The following NAALADL2 variants were observed in gnomAD, a reference collection of about 807,000 sequenced individuals.
The protein encoded by NAALADL2 is inactive N-acetylated-alpha-linked acidic dipeptidase-like protein 2.
Under a neutral mutation model 87.2 loss-of-function variants are expected in NAALADL2, and 76 were observed. That is an observed-to-expected ratio of 0.87 (90% CI 0.72 to 1.05). The LOEUF is 1.05. NAALADL2 is among the 50% of genes least tolerant of loss of function. NAALADL2 has a pLI of 0.00. For missense variants in NAALADL2, 1,089 were observed against 945.8 expected, an observed-to-expected ratio of 1.15 and a Z score of -1.99; for synonymous variants, 354 against 331.0, an observed-to-expected ratio of 1.07 and a Z score of -0.75.
intron 1 of NAALADL2, among the ~76,000 whole-genome samples, chr3:175,055,167 T>G (rs7648778): frequency 0.081 from 12,258 of 152,206 alleles, 1,632 homozygotes; most frequent in African/African-American, 0.28. Flanking sequence ...AAGCTGCTTT[T>G]CCTTGTTTAT....
intron 11 of NAALADL2, among the ~76,000 whole-genome samples, chr3:175,682,089 C>T (rs1050384120): frequency 3.0e-4 from 45 of 151,960 alleles, no homozygotes; most frequent in African/African-American, 1.1e-3. Context: ...AATCATAATA[C>T]TACTGGATGA....
Position 175,327,115 on chromosome 3 carries a change from C to T in NAALADL2, c.1090+2790C>T, listed in dbSNP as rs570886661. On this transcript the variant is annotated intron_variant, in intron 5 of 13. Coordinates refer to ENST00000454872, the MANE Select transcript of NAALADL2 (RefSeq NM_207015.3). ...ACAGTCAAATAATGAACATTCCATA[C>T]GCCTCACCCAGCTTTATCAACTGTC... Among the ~76,000 whole-genome samples the T allele has an allele frequency of 8.6e-5, 13 of 150,790 alleles. 1 individual carries two copies. Among genetic ancestry groups the T allele is most frequent in the South Asian group, 2.1e-4 (1 of 4,796 alleles).
At chr3:174,698,293 G>T (rs1329579878) in intron 2 of NAALADL2, among the ~76,000 whole-genome samples, 2 of 139,250 alleles carry the variant, frequency 1.4e-5, no homozygotes, top group African/African-American at 6.0e-5. Flanking sequence ...ACATGTTGGT[G>T]GTAAACTCTC....
chr3:175,152,305 A>G (rs534411051), intron 2 of NAALADL2, among the ~76,000 whole-genome samples: 30 of 152,302 alleles, frequency 2.0e-4, no homozygotes, highest in East Asian at 5.8e-4. Flanking sequence ...CTAATAGGCC[A>G]TCCCATGGTA....
At chr3:175,555,753 G>A (rs1582383436) in intron 9 of NAALADL2, among the ~76,000 whole-genome samples, 1 of 152,012 alleles carries the variant, frequency 6.6e-6, no homozygotes, top group South Asian at 2.1e-4. Context: ...GCATATTGCC[G>A]ATGACCCTGA....
At chr3:175,530,569 C>T (rs578184100) in intron 9 of NAALADL2, among the ~76,000 whole-genome samples, 22 of 152,278 alleles carry the variant, frequency 1.4e-4, no homozygotes, top group African/African-American at 3.4e-4. Flanking sequence ...GCCTGCATAT[C>T]GTGCAGAACC....
intron 9 of NAALADL2, among the ~76,000 whole-genome samples, chr3:175,482,295 G>T (rs1726590249): frequency 6.6e-6 from 1 of 151,838 alleles, no homozygotes; most frequent in South Asian, 2.1e-4. Flanking sequence ...GGCTGCTGTT[G>T]ACTATTAAAT....
chr3:174,460,581 CCTT>C (rs1327921455), intron 1 of NAALADL2, among the ~76,000 whole-genome samples: 1 of 151,676 alleles, frequency 6.6e-6, no homozygotes, highest in Non-Finnish European at 1.5e-5. Flanking sequence ...GCATTTTTTT[CCTT>C]CTTTTTTCTT....
intron 5 of NAALADL2, among the ~76,000 whole-genome samples, chr3:175,418,534 C>T (rs910294522): frequency 8.5e-5 from 13 of 152,094 alleles, no homozygotes; most frequent in African/African-American, 3.1e-4. Flanking sequence ...TTTTCCTTCT[C>T]TGAGCAATGC....
chr3:174,712,077 G>T (rs370285072), intron 2 of NAALADL2, among the ~76,000 whole-genome samples: 1 of 151,938 alleles, frequency 6.6e-6, no homozygotes. Flanking sequence ...GTGGGCCACC[G>T]CGCCCTGGCC....
At chr3:175,075,510 G>T (rs961229949) in intron 1 of NAALADL2, among the ~76,000 whole-genome samples, 4 of 152,136 alleles carry the variant, frequency 2.6e-5, no homozygotes, top group African/African-American at 7.2e-5. Flanking sequence ...TAACAAAATA[G>T]TGATGCAATT....
At chr3:174,648,284 T>A (rs2108749010) in intron 2 of NAALADL2, among the ~76,000 whole-genome samples, 1 of 151,818 alleles carries the variant, frequency 6.6e-6, no homozygotes, top group East Asian at 1.9e-4. Context: ...GATCACGCCA[T>A]TGCACTCCAG....
chr3:175,131,994 G>A (rs1326818898), intron 2 of NAALADL2, among the ~76,000 whole-genome samples: 3 of 115,282 alleles, frequency 2.6e-5, no homozygotes, highest in Non-Finnish European at 5.6e-5. Flanking sequence ...GCCGGGAGGG[G>A]GACTGACCCC....
intron 1 of NAALADL2, among the ~76,000 whole-genome samples, chr3:174,491,250 A>C (rs752131419): frequency 1.3e-5 from 2 of 152,058 alleles, no homozygotes; most frequent in Non-Finnish European, 2.9e-5. Context: ...AAATTACTGA[A>C]TCTTATAACT....
chr3:175,262,575 A>AGTGTGT (rs71164625), intron 4 of NAALADL2, among the ~76,000 whole-genome samples: 8,113 of 147,046 alleles, frequency 0.055, 262 homozygotes, highest in African/African-American at 0.085. Flanking sequence ...ATGTTGTGTG[A>AGTGTGT]GTGTGTGTGT....
rs564577617 is a variant in NAALADL2 at position 175,331,424 on chromosome 3, T to G, written c.1090+7099T>G. On this transcript the variant is annotated intron_variant, in intron 5 of 13. Coordinates refer to ENST00000454872, the MANE Select transcript of NAALADL2 (RefSeq NM_207015.3). ...TCAACCAAATACTAGCAAACCAAAT[T>G]CAACAGTACATCAGAAAGATGATAC... Among the ~76,000 whole-genome samples, 17 of 152,038 alleles carry G rather than the reference T, an allele frequency of 1.1e-4. No homozygotes were observed. The South Asian group carries it at 3.1e-3, about 28-fold the overall frequency.
intron 2 of NAALADL2, among the ~76,000 whole-genome samples, chr3:175,211,145 A>G (rs774160046): frequency 6.6e-6 from 1 of 151,864 alleles, no homozygotes; most frequent in East Asian, 1.9e-4. Context: ...AGCTTTTGGG[A>G]TGAGAGAAGG....
chr3:175,599,501 C>T (rs960226900), intron 10 of NAALADL2, among the ~76,000 whole-genome samples: 3 of 152,202 alleles, frequency 2.0e-5, no homozygotes. Flanking sequence ...AGTGAGTTCT[C>T]AGCTTCTGCC....
At chr3:175,324,871 C>T (rs1397392571) in intron 5 of NAALADL2, among the ~76,000 whole-genome samples, 1 of 152,194 alleles carries the variant, frequency 6.6e-6, no homozygotes, top group Non-Finnish European at 1.5e-5. Flanking sequence ...GGCTACTTTG[C>T]AGCAAATATC....
Sources: allele counts gnomAD v4.1 joint callset (sites outside exome capture counted in the v4.1 genomes callset), GRCh38; gene constraint gnomAD v4.1.1; transcripts MANE v1.5; gene names NCBI Gene and HGNC (gene_info 2026-07-23, HGNC 2026-07-21).